Variants in MYO1E observed in about 807,000 individuals in gnomAD.
The protein encoded by MYO1E is unconventional myosin-Ie.
Under a neutral mutation model 151.1 loss-of-function variants are expected in MYO1E, and 68 were observed. That is an observed-to-expected ratio of 0.45 (90% CI 0.37 to 0.55). MYO1E has a LOEUF of 0.55. MYO1E is among the 20% of genes least tolerant of loss of function. MYO1E has a pLI of 0.00. For synonymous variants in MYO1E, 601 were observed against 501.7 expected, an observed-to-expected ratio of 1.20 and a Z score of -2.64; for missense variants, 1,363 against 1,389.3, an observed-to-expected ratio of 0.98 and a Z score of 0.30.
chr15:59,207,111 T>G (rs762255683), intron 14 of MYO1E: 9 of 1,614,204 alleles, frequency 5.6e-6, no homozygotes, highest in South Asian at 1.1e-5. Flanking sequence ...AGAGTGAGCT[T>G]ATTGAGCGTT....
At chr15:59,237,479 A>C (rs1413626280) in intron 4 of MYO1E, among the ~76,000 whole-genome samples, 2 of 152,192 alleles carry the variant, frequency 1.3e-5, no homozygotes, top group African/African-American at 4.8e-5. Flanking sequence ...ATTGATAATG[A>C]CCTCAATTCA....
chr15:59,207,025 T>A, intron 14 of MYO1E: 2 of 1,614,252 alleles, frequency 1.2e-6, no homozygotes, highest in Non-Finnish European at 1.7e-6. Context: ...GATGGCCCTG[T>A]GTCCGCGTCA....
intron 27 of MYO1E, among the ~76,000 whole-genome samples, chr15:59,137,749 C>T (rs1019746467): frequency 1.3e-5 from 2 of 152,212 alleles, no homozygotes; most frequent in African/African-American, 4.8e-5. Flanking sequence ...CAGACCTCCC[C>T]GTTTCTGGGG....
intron 1 of MYO1E, among the ~76,000 whole-genome samples, chr15:59,277,981 CA>C (rs2080331032): frequency 6.6e-6 from 1 of 152,124 alleles, no homozygotes; most frequent in Non-Finnish European, 1.5e-5. Context: ...GTACAGTTTA[CA>C]TTTTTTAATC....
At chr15:59,213,311 C>T (rs1460961283) in intron 12 of MYO1E, among the ~76,000 whole-genome samples, 3 of 151,918 alleles carry the variant, frequency 2.0e-5, no homozygotes, top group African/African-American at 7.3e-5. Flanking sequence ...GCTGGGTCTA[C>T]AGGCACACAC....
intron 1 of MYO1E, chr15:59,360,021 G>A (rs1196379055): frequency 6.6e-6 from 1 of 152,180 alleles, no homozygotes; most frequent in African/African-American, 2.4e-5. Context: ...TCTAGGATTT[G>A]CTTCTAAAGA....
chr15:59,269,750 C>T (rs1044880587), intron 2 of MYO1E, among the ~76,000 whole-genome samples: 2 of 151,842 alleles, frequency 1.3e-5, no homozygotes, highest in Non-Finnish European at 2.9e-5. Context: ...GTCCCAGCTA[C>T]TCGGGAGGCT....
At chr15:59,181,495 G>A (rs1161576014) in intron 18 of MYO1E, among the ~76,000 whole-genome samples, 3 of 152,232 alleles carry the variant, frequency 2.0e-5, no homozygotes, top group African/African-American at 7.2e-5. Context: ...GTAGTGGGGA[G>A]ATGGTGTAAA....
At chr15:59,222,880 C>T (rs2079964729) in intron 9 of MYO1E, among the ~76,000 whole-genome samples, 179 bp downstream of exon 9, 1 of 152,174 alleles carries the variant, frequency 6.6e-6, no homozygotes, top group Admixed American at 6.5e-5. Flanking sequence ...AGGACAGGGA[C>T]AGGTGCATAG....
At chr15:59,170,607 C>A (rs939905459) in intron 22 of MYO1E, among the ~76,000 whole-genome samples, 42 of 150,192 alleles carry the variant, frequency 2.8e-4, no homozygotes, top group African/African-American at 8.1e-4. Flanking sequence ...ACAAAAAAAA[C>A]AATAGCCTTG....
At chr15:59,237,167 A>C (rs529712894) in intron 4 of MYO1E, among the ~76,000 whole-genome samples, 17 of 152,364 alleles carry the variant, frequency 1.1e-4, no homozygotes, top group African/African-American at 3.8e-4. Context: ...CAAGCCAGAG[A>C]CTAGAGAAAC....
chr15:59,242,932 T>A (rs965475568), intron 4 of MYO1E, among the ~76,000 whole-genome samples: 2 of 152,016 alleles, frequency 1.3e-5, no homozygotes, highest in South Asian at 2.1e-4. Flanking sequence ...GCAAAAAACA[T>A]GGCAAACACA....
intron 22 of MYO1E, chr15:59,171,180 G>T (rs1402999236): frequency 6.4e-6 from 1 of 156,016 alleles, no homozygotes; most frequent in Non-Finnish European, 1.5e-5. Flanking sequence ...AGCATGGGAG[G>T]ACTCCTAGTC....
intron 14 of MYO1E, chr15:59,207,030 G>C (rs768447612): frequency 6.2e-7 from 1 of 1,614,238 alleles, no homozygotes; most frequent in South Asian, 1.1e-5. Flanking sequence ...CCCTGTGTCC[G>C]CGTCAAGCAA....
intron 22 of MYO1E, 142 bp downstream of exon 22, chr15:59,171,755 G>A (rs2079595972): frequency 2.7e-6 from 3 of 1,117,544 alleles, no homozygotes; most frequent in East Asian, 2.5e-5. Flanking sequence ...TTCCCTTTGG[G>A]ACAAAGGGAA....
At position 59,134,660 on chromosome 15, in the gene MYO1E, A is replaced by G. The variant is rs1253865387; in HGVS notation, c.*2720T>C. Reference sequence around the variant, plus strand: ...TTACTTAAAACCTTTGGTTGAAGGGATGTCACATTTTTATACTGTGTTTGA... The same window carrying G: ...TTACTTAAAACCTTTGGTTGAAGGGGTGTCACATTTTTATACTGTGTTTGA... On this transcript the variant is annotated 3_prime_UTR_variant, in exon 28 of 28. Transcript: ENST00000288235. 1.3e-5 allele frequency: 2 copies of G among 152,202 alleles called. No homozygotes were observed. Among genetic ancestry groups the G allele is most frequent in the African/African-American group, 4.8e-5 (2 of 41,438 alleles). 9.4% of individuals were successfully genotyped at this position (152,202 alleles called of 1,614,324 possible).
At chr15:59,320,713 A>G (rs981441447) in intron 1 of MYO1E, among the ~76,000 whole-genome samples, 1 of 152,214 alleles carries the variant, frequency 6.6e-6, no homozygotes, top group African/African-American at 2.4e-5. Flanking sequence ...TAAATGTAAG[A>G]CCTCAAACTA....
intron 1 of MYO1E, among the ~76,000 whole-genome samples, chr15:59,275,792 C>G (rs76433503): frequency 0.029 from 4,354 of 152,276 alleles, 204 homozygotes; most frequent in African/African-American, 0.099. Context: ...ATCAGCAAAG[C>G]TGGAAACCAA....
intron 3 of MYO1E, among the ~76,000 whole-genome samples, chr15:59,259,401 C>T (rs2080212563): frequency 6.6e-6 from 1 of 152,116 alleles, no homozygotes; most frequent in Non-Finnish European, 1.5e-5. Context: ...TTAGGGGCTA[C>T]TGCATGAGAT....
Sources: allele counts gnomAD v4.1 joint callset (sites outside exome capture counted in the v4.1 genomes callset), GRCh38; gene constraint gnomAD v4.1.1; transcripts MANE v1.5; gene names NCBI Gene and HGNC (gene_info 2026-07-23, HGNC 2026-07-21).